The following COL7A1 variants were observed in gnomAD, a reference collection of about 807,000 sequenced individuals.
COL7A1 encodes collagen alpha-1(VII) chain.
Under a neutral mutation model 456.2 loss-of-function variants are expected in COL7A1, and 296 were observed. The observed-to-expected ratio is 0.65, with a 90% confidence interval of 0.59 to 0.71. The LOEUF (loss-of-function observed/expected upper bound fraction) is 0.71. COL7A1 is among the 30% of genes least tolerant of loss of function. The probability of loss-of-function intolerance (pLI) is 0.00; values close to 1 mark genes in which losing one functional copy is unlikely to be tolerated. For missense variants in COL7A1, 3,441 were observed against 4,017.2 expected (o/e 0.86, Z 3.88); for synonymous variants, 1,464 against 1,525.9 (o/e 0.96, Z 0.95).
intron 33 of COL7A1, 43 bp downstream of exon 33, chr3:48,584,993 T>C: frequency 1.2e-6 from 2 of 1,613,454 alleles, no homozygotes; most frequent in Admixed American, 1.7e-5. Flanking sequence ...CCCCACCCAC[T>C]CAGGCAGCGC....
chr3:48,581,275 G>A lies in COL7A1; in HGVS notation c.4884C>T (p.Gly1628=), dbSNP rs533178161. The A allele has an allele frequency of 5.0e-6, 8 of 1,613,436 alleles. No homozygotes were observed. The highest frequency in any genetic ancestry group is 3.3e-4 in the Middle Eastern group (2 of 6,058). The stretch of plus-strand genomic sequence containing the variant: ...AGCCTCTTACATCTCGTCCTCGGGG[G>A]CCAACAGGTCCTGGGGGGCCAGGCC... ...PGRPGPPGPV[G]PRGRDGEVGE... The change falls in exon 52 of 119, where the codon GGC becomes GGT. Residue 1628 remains glycine, a synonymous_variant. Coordinates refer to ENST00000681320, the MANE Select transcript of COL7A1 (RefSeq NM_000094.4). This position sits in a 1 kb window ranked among gnomAD's most constrained non-coding sequence, Gnocchi z 5.8.
At position 48,579,537 on chromosome 3, in the gene COL7A1, A is replaced by G. The variant is rs1285526065; in HGVS notation, c.5236-22T>C. The stretch of plus-strand genomic sequence containing the variant: ...TGCCCTGAGGATAGGGGAGGAAGAA[A>G]TCAGAGCAGGCCCTCCCATGCCTGC... On this transcript the variant is annotated intron_variant, in intron 59 of 118. Coordinates refer to ENST00000681320, the MANE Select transcript of COL7A1 (RefSeq NM_000094.4). The surrounding 1 kb of genome is among the most constrained non-coding windows in gnomAD (Gnocchi z 4.4). 1.2e-6 allele frequency: 2 copies of G among 1,613,804 alleles called. No individual in the cohort carries two copies. Among genetic ancestry groups the G allele is most frequent in the East Asian group, 4.5e-5 (2 of 44,836 alleles).
chr3:48,586,233 C>T lies in COL7A1; in HGVS notation c.3564G>A (p.Val1188=), dbSNP rs2045248472. Residue 1188 remains valine (V), a synonymous_variant, in exon 28 of 119, where the codon GTG becomes GTA. Transcript: ENST00000681320. The surrounding 1 kb of genome is among the most constrained non-coding windows in gnomAD (Gnocchi z 5.1). ...REAQASGLNV[V]MLGMAGADPE... ...GGTCCGCTCCAGCCATTCCCAACATCACCACATTAAGCCCTAAGGTGGGGT... is the reference window on the plus strand; with the variant it reads ...GGTCCGCTCCAGCCATTCCCAACATTACCACATTAAGCCCTAAGGTGGGGT... 2 of 1,613,716 alleles carry T rather than the reference C, an allele frequency of 1.2e-6. No homozygotes were observed. Among genetic ancestry groups the T allele is most frequent in the African/African-American group, 1.3e-5 (1 of 75,056 alleles).
At position 48,593,146 on chromosome 3, in the gene COL7A1, C is replaced by T. The variant is rs62261469; in HGVS notation, c.638G>A (p.Arg213Gln). The change falls in exon 6 of 119, where the codon CGG becomes CAG. Residue 213 changes from arginine (R) to glutamine (Q), a missense_variant. This residue lies in a region of COL7A1 where 913 missense variants were observed against 1,088.2 expected (regional missense o/e 0.84). Coordinates refer to ENST00000681320, the MANE Select transcript of COL7A1 (RefSeq NM_000094.4). The surrounding 1 kb of genome is among the most constrained non-coding windows in gnomAD (Gnocchi z 4.4). The part of the protein sequence containing the change: ...ILRTLLPLVS[R>Q]RVCTTAGGVP... ...GCCACCAGCAGTCGTGCACACTCTC[C>T]GGGAAACGAGGGGCAGTAGTGTCCT... 5.9e-5 allele frequency: 95 copies of T among 1,614,052 alleles called. No individual in the cohort carries two copies. Among genetic ancestry groups the T allele is most frequent in the Non-Finnish European group, 5.8e-5 (69 of 1,180,008 alleles).
At position 48,564,219 on chromosome 3, in the gene COL7A1, A is replaced by G. The variant is rs1575413164; in HGVS notation, c.*187T>C. 1 of 711,262 alleles carries G rather than the reference A, an allele frequency of 1.4e-6. No individual in the cohort carries two copies. The highest frequency in any genetic ancestry group is 1.7e-5 in the African/African-American group (1 of 57,280). The allele number at this position is 711,262 out of a possible 1,614,324, so 44.1% of individuals were successfully genotyped here. ...GTGAGTCATCTGCCAGGGTGGCAGG[A>G]GCCACAATGGGGGTTTGTCCACAGG... On this transcript the variant is annotated 3_prime_UTR_variant, in exon 119 of 119. Coordinates refer to ENST00000681320, the MANE Select transcript of COL7A1 (RefSeq NM_000094.4). The surrounding 1 kb of genome is among the most constrained non-coding windows in gnomAD (Gnocchi z 6.0).
Position 48,591,910 on chromosome 3 carries a change from G to A in COL7A1, c.1345C>T (p.Arg449Trp), listed in dbSNP as rs371991224. ...PEARGYRLEW[R>W]RETGLEPPQK... ...CCCCCGCACTGACCAGTCTCACGCC[G>A]CCATTCCAACCGGTAGCCACGGGCC... The change falls in exon 11 of 119, where the codon CGG (arginine) becomes TGG (tryptophan). Residue 449 changes from arginine to tryptophan, a missense_variant. Transcript: ENST00000681320. The surrounding 1 kb of genome is among the most constrained non-coding windows in gnomAD (Gnocchi z 7.0). 4.7e-5 allele frequency: 76 copies of A among 1,614,128 alleles called. No homozygotes were observed. The highest frequency in any genetic ancestry group is 5.6e-5 in the Non-Finnish European group (66 of 1,180,016).
At position 48,570,573 on chromosome 3, in the gene COL7A1, C is replaced by T; in HGVS notation, c.7344+66G>A. The T allele has an allele frequency of 6.2e-7, 1 of 1,613,418 alleles. No homozygotes were observed. The highest frequency in any genetic ancestry group is 8.5e-7 in the Non-Finnish European group (1 of 1,179,568). ...CCCCAACACCCCACAGTGTGGCCCG[C>T]CCCATCCTAAGTCCTCACGAGGACA... On this transcript the variant is annotated intron_variant, in intron 96 of 118. Coordinates refer to ENST00000681320, the MANE Select transcript of COL7A1 (RefSeq NM_000094.4). The surrounding 1 kb of genome is among the most constrained non-coding windows in gnomAD (Gnocchi z 5.5).
In COL7A1 at chr3:48,588,088, G is replaced by A. The variant is rs898314085; in HGVS notation, c.2711-149C>T. 43 of 1,311,140 alleles carry A rather than the reference G, an allele frequency of 3.3e-5. No homozygotes were observed. Among genetic ancestry groups the A allele is most frequent in the Non-Finnish European group, 3.9e-5 (37 of 951,576 alleles). The allele number at this position is 1,311,140 out of a possible 1,614,324, so 81.2% of individuals were successfully genotyped here. ...TCCTCACTGACCCTGCCCACTTTAC[G>A]GACCCTGCCAGACTGACCCTCCATG... On this transcript the variant is annotated intron_variant, in intron 21 of 118. Transcript: ENST00000681320. This position sits in a 1 kb window ranked among gnomAD's most constrained non-coding sequence, Gnocchi z 4.6.
Position 48,575,402 on chromosome 3 carries a change from A to C in COL7A1, c.6117T>G (p.Pro2039=). 1 of 1,608,756 alleles carries C rather than the reference A, an allele frequency of 6.2e-7. No homozygotes were observed. Among genetic ancestry groups the C allele is most frequent in the Non-Finnish European group, 8.5e-7 (1 of 1,178,492 alleles). The change falls in exon 74 of 119, where the codon CCT becomes CCG. Residue 2039 remains proline, a synonymous_variant. Coordinates refer to ENST00000681320, the MANE Select transcript of COL7A1 (RefSeq NM_000094.4). The surrounding 1 kb of genome is among the most constrained non-coding windows in gnomAD (Gnocchi z 6.3). ...PSGLAGEPGK[P]GIPGLPGRAG... ...CCCTGCCTGGGAGCCCGGGAATACC[A>C]GGCTTTCCAGGCTCCCCGGCAAGGC...
At position 48,583,911 on chromosome 3, in the gene COL7A1, G is replaced by C; in HGVS notation, c.4267C>G (p.Pro1423Ala). The change falls in exon 39 of 119, where the codon CCT becomes GCT. Residue 1423 changes from proline (P) to alanine (A), a missense_variant. Transcript: ENST00000681320. The surrounding 1 kb of genome is among the most constrained non-coding windows in gnomAD (Gnocchi z 5.1). The stretch of plus-strand genomic sequence containing the variant: ...TCAAGGCCCCTCACCGGCAGCCCAG[G>C]CTCCCCAGGAGCAATGCCACCTTCA... ...PGEGGIAPGE[P>A]GLPGLPGSPG... The C allele has an allele frequency of 1.2e-6, 2 of 1,613,916 alleles. No individual in the cohort carries two copies. Among genetic ancestry groups the C allele is most frequent in the South Asian group, 2.2e-5 (2 of 91,078 alleles).
In COL7A1 at chr3:48,590,335, A is replaced by G. The variant is rs2045603330; in HGVS notation, c.1928T>C (p.Leu643Pro). ...GTCTGTGGCAGTAGAGTCTGGGGGC[A>G]GTGTCTGGCTGGACTCCGGACCTGA... ...TGSGPESSQTLPPDSTATDIT... is the reference protein window; with the variant it reads ...TGSGPESSQTPPPDSTATDIT... The change falls in exon 16 of 119, where the codon CTG (leucine) becomes CCG (proline). Residue 643 changes from leucine to proline, a missense_variant. Physicochemically the swap from Leu to Pro is moderately conservative, Grantham distance 98. Transcript: ENST00000681320. The surrounding 1 kb of genome is among the most constrained non-coding windows in gnomAD (Gnocchi z 4.6). The G allele has an allele frequency of 1.2e-6, 2 of 1,614,050 alleles. No homozygotes were observed. The highest frequency in any genetic ancestry group is 8.5e-7 in the Non-Finnish European group (1 of 1,179,996).
rs545831996 is a variant in COL7A1, at chr3:48,592,525, T to G, written c.976+45A>C. 6.8e-5 allele frequency: 109 copies of G among 1,612,404 alleles called. No homozygotes were observed. In the Middle Eastern group the frequency reaches 9.9e-4, roughly 15 times the overall value. ...TCAGAAGTGGGAGGGGGTACTGGGG[T>G]CGGGGGTTAGGTGAATGGGGTCAGA... is the stretch of plus-strand genomic sequence containing the variant. On this transcript the variant is annotated intron_variant, in intron 8 of 118. Coordinates refer to ENST00000681320, the MANE Select transcript of COL7A1 (RefSeq NM_000094.4). The surrounding 1 kb of genome is among the most constrained non-coding windows in gnomAD (Gnocchi z 7.6).
rs1397941291 is a variant in COL7A1, at chr3:48,589,401, G to A, written c.2240C>T (p.Thr747Ile). 1.9e-6 allele frequency: 3 copies of A among 1,613,692 alleles called. No individual in the cohort carries two copies. Among genetic ancestry groups the A allele is most frequent in the Admixed American group, 1.7e-5 (1 of 60,022 alleles). Residue 747 changes from threonine (T) to isoleucine (I), a missense_variant, in exon 18 of 119, where the codon ACT becomes ATT. This residue lies in a region of COL7A1 where 913 missense variants were observed against 1,088.2 expected (regional missense o/e 0.84). Coordinates refer to ENST00000681320, the MANE Select transcript of COL7A1 (RefSeq NM_000094.4). Reference sequence around the variant, plus strand: ...GGCCCTCACATGCACCGTATACTCAGTATCTGGCTCCAGTCCATCCAGCTC... The same window carrying A: ...GGCCCTCACATGCACCGTATACTCAATATCTGGCTCCAGTCCATCCAGCTC... ...VAELDGLEPD[T>I]EYTVHVRAHV...
intron 65 of COL7A1, among the ~76,000 whole-genome samples, chr3:48,577,990 C>T (rs2107689141): frequency 1.3e-5 from 2 of 152,238 alleles, no homozygotes; most frequent in South Asian, 4.1e-4. Flanking sequence ...CATGGAGAAA[C>T]CCCATCTCTA....
chr3:48,580,706 C>T lies in COL7A1; in HGVS notation c.4981-54G>A. ...CCCTCCCAATATTTTGCAGGTGCCC[C>T]TATGACCCGCTACACTGCCCCAGGT... On this transcript the variant is annotated intron_variant, in intron 54 of 118. Transcript: ENST00000681320. The surrounding 1 kb of genome is among the most constrained non-coding windows in gnomAD (Gnocchi z 4.5). The T allele has an allele frequency of 6.3e-7, 1 of 1,595,642 alleles. No homozygotes were observed. The highest frequency in any genetic ancestry group is 2.2e-5 in the East Asian group (1 of 44,580).
chr3:48,593,631 C>G lies in COL7A1; in HGVS notation c.332G>C (p.Ser111Thr), dbSNP rs2045866621. Reference protein sequence around the residue: ...GDVIRAIRELSYKGGNTRTGA... With the variant: ...GDVIRAIRELTYKGGNTRTGA... ...TGTGCGAGTGTTGCCCCCCTTGTAG[C>G]TAAGCTCACGGATGGCGCGGATCAC... is the stretch of plus-strand genomic sequence containing the variant. The change falls in exon 4 of 119, where the codon AGC becomes ACC. Residue 111 changes from serine to threonine, a missense_variant. Ser to Thr is a moderately conservative substitution (Grantham distance 58). Transcript: ENST00000681320. The surrounding 1 kb of genome is among the most constrained non-coding windows in gnomAD (Gnocchi z 4.4). 6.2e-7 allele frequency: 1 copy of G among 1,614,198 alleles called. No individual in the cohort carries two copies. Among genetic ancestry groups the G allele is most frequent in the Non-Finnish European group, 8.5e-7 (1 of 1,180,036 alleles).
rs200309694 is a variant in COL7A1 at position 48,576,786 on chromosome 3, G to A, written c.5605-15C>T. ...CCATCACGACCCTGTGAAGGATGCA[G>A]CCAGCATCAGCACCCTGAGACCTCA... On this transcript the variant is annotated splice_polypyrimidine_tract_variant and intron_variant, in intron 67 of 118. Transcript: ENST00000681320. 1.4e-4 allele frequency: 220 copies of A among 1,613,734 alleles called. No homozygotes were observed. The highest frequency in any genetic ancestry group is 4.9e-4 in the Middle Eastern group (3 of 6,062).
Position 48,568,333 on chromosome 3 carries a change from A to C in COL7A1, c.7795-163T>G, listed in dbSNP as rs1362750052. The C allele has an allele frequency of 2.9e-6, 3 of 1,051,456 alleles. No individual in the cohort carries two copies. Among genetic ancestry groups the C allele is most frequent in the Non-Finnish European group, 1.4e-6 (1 of 693,470 alleles). 65.1% of individuals were successfully genotyped at this position (1,051,456 alleles called of 1,614,324 possible). ...ACAAGGGTCACCATAGGCAGGGGACACCATCATAGGCGGCTACTGTGGAGG... is the reference window on the plus strand; with the variant it reads ...ACAAGGGTCACCATAGGCAGGGGACCCCATCATAGGCGGCTACTGTGGAGG... On this transcript the variant is annotated intron_variant, in intron 105 of 118. Transcript: ENST00000681320. This position sits in a 1 kb window ranked among gnomAD's most constrained non-coding sequence, Gnocchi z 5.2.
Position 48,594,511 on chromosome 3 carries a change from G to A in COL7A1, c.123C>T (p.Phe41=). 5 of 1,611,682 alleles carry A rather than the reference G, an allele frequency of 3.1e-6. No homozygotes were observed. Among genetic ancestry groups the A allele is most frequent in the Non-Finnish European group, 4.2e-6 (5 of 1,179,824 alleles). Residue 41 remains phenylalanine (F), a synonymous_variant, in exon 3 of 119, where the codon TTC becomes TTT. Coordinates refer to ENST00000681320, the MANE Select transcript of COL7A1 (RefSeq NM_000094.4). This position sits in a 1 kb window ranked among gnomAD's most constrained non-coding sequence, Gnocchi z 5.5. The stretch of plus-strand genomic sequence containing the variant: ...CAATGGATGAGGAGCCATCCAGTAA[G>A]AACACAATGTCAGCGGCGTAAAGGC... ...CTRLYAADIV[F]LLDGSSSIGR... is the part of the protein sequence containing the mutation.
Sources: gnomAD v4.1 joint callset for allele counts (sites outside exome capture counted in the v4.1 genomes callset) on GRCh38, gnomAD v4.1.1 for gene constraint, gnomAD v4.1.1 regional missense constraint, Gnocchi (gnomAD v3.1) non-coding constraint, MANE v1.5 for transcripts, NCBI Gene and HGNC (gene_info 2026-07-23, HGNC 2026-07-21) for gene names.